LONP2: variants seen among roughly 807,000 people sequenced by gnomAD.
LONP2 encodes lon protease homolog 2, peroxisomal.
Under a neutral mutation model 85.6 loss-of-function variants are expected in LONP2, and 60 were observed. That is an observed-to-expected ratio of 0.70 (90% confidence interval 0.57 to 0.87). LONP2 has a LOEUF of 0.87. Among genes scored for constraint, LONP2 ranks in the 40% least tolerant of loss-of-function variants. LONP2 has a pLI of 0.00. For synonymous variants in LONP2, 395 were observed against 389.7 expected, an observed-to-expected ratio of 1.01 and a Z score of -0.16; for missense variants, 860 against 1,063.5, an observed-to-expected ratio of 0.81 and a Z score of 2.66.
chr16:48,348,202 C>G lies in LONP2; in HGVS notation c.2249C>G (p.Thr750Ser). 1.2e-6 allele frequency: 2 copies of G among 1,612,834 alleles called. No homozygotes were observed. Among genetic ancestry groups the G allele is most frequent in the East Asian group, 4.5e-5 (2 of 44,822 alleles). The change falls in exon 14 of 15, where the codon ACC becomes AGC. Residue 750 changes from threonine to serine, a missense_variant. Transcript: ENST00000285737. ...CCATCTGCTGGAGTTACCATAGTAA[C>G]CTGTCTCGCCTCACTTTTTAGTGGG... ...DGPSAGVTIVTCLASLFSGRL... is the reference protein window; with the variant it reads ...DGPSAGVTIVSCLASLFSGRL...
chr16:48,265,500 T>C (rs1216186670), intron 6 of LONP2, among the ~76,000 whole-genome samples: 1 of 152,018 alleles, frequency 6.6e-6, no homozygotes, highest in Admixed American at 6.6e-5. Flanking sequence ...ATATTCTTGG[T>C]GCCCTTGTTG....
chr16:48,286,082 A>C (rs1213468707), intron 8 of LONP2, among the ~76,000 whole-genome samples: 1 of 152,014 alleles, frequency 6.6e-6, no homozygotes. Context: ...AGTTTCCTCA[A>C]AGTTCATCAA....
At chr16:48,357,728 A>G (rs772272902), downstream of LONP2, among the ~76,000 whole-genome samples, 6 of 152,234 alleles carry the variant, frequency 3.9e-5, no homozygotes, top group Non-Finnish European at 7.3e-5. Flanking sequence ...TCTAAATATG[A>G]AGAGCTTTTG....
At chr16:48,318,966 T>C (rs547930453) in intron 11 of LONP2, among the ~76,000 whole-genome samples, 1 of 152,058 alleles carries the variant, frequency 6.6e-6, no homozygotes, top group Non-Finnish European at 1.5e-5. Flanking sequence ...CAAGTGCTTT[T>C]GATCCTTTCA....
intron 11 of LONP2, among the ~76,000 whole-genome samples, chr16:48,316,901 A>G (rs1005793234): frequency 6.6e-6 from 1 of 152,102 alleles, no homozygotes; most frequent in Admixed American, 6.6e-5. Flanking sequence ...TGAAAAATAC[A>G]AGGGCTGTAA....
At chr16:48,263,803 C>T (rs1294427032) in intron 6 of LONP2, among the ~76,000 whole-genome samples, 3 of 152,152 alleles carry the variant, frequency 2.0e-5, no homozygotes, top group African/African-American at 7.2e-5. Context: ...TGGCTGTTAT[C>T]GGGGGACCTG....
rs774934578 is a variant in LONP2, at chr16:48,256,684, A to G, written c.543A>G (p.Glu181=). The part of the protein sequence containing the change: ...LRRLLDSLPR[E]ALPDILTSII... ...GTCTTTTAGATAGTCTTCCAAGGGA[A>G]GCTTTACCAGACATCTTGACATCAA... The change falls in exon 3 of 15, where the codon GAA becomes GAG. Residue 181 remains glutamate, a synonymous_variant. Coordinates refer to ENST00000285737, the MANE Select transcript of LONP2 (RefSeq NM_031490.5). 1.2e-6 allele frequency: 2 copies of G among 1,613,958 alleles called. No homozygotes were observed. Among genetic ancestry groups the G allele is most frequent in the South Asian group, 2.2e-5 (2 of 91,084 alleles).
intron 12 of LONP2, among the ~76,000 whole-genome samples, chr16:48,346,489 C>T (rs1597003435): frequency 6.6e-6 from 1 of 152,200 alleles, no homozygotes; most frequent in Non-Finnish European, 1.5e-5. Context: ...GGACCTCTCT[C>T]ATCCCATGGG....
chr16:48,253,791 A>G (rs991471227), intron 2 of LONP2, among the ~76,000 whole-genome samples: 6 of 152,194 alleles, frequency 3.9e-5, no homozygotes, highest in Admixed American at 3.9e-4. Context: ...AAATAAATAG[A>G]TCACCACACA....
intron 1 of LONP2, among the ~76,000 whole-genome samples, chr16:48,245,042 C>G (rs964853488): frequency 1.2e-4 from 18 of 152,270 alleles, no homozygotes; most frequent in African/African-American, 3.9e-4. Context: ...TATCCGCCTC[C>G]CCTTTTCTGT....
chr16:48,302,003 G>C (rs1338753052), intron 10 of LONP2, among the ~76,000 whole-genome samples: 23 of 152,188 alleles, frequency 1.5e-4, no homozygotes. Flanking sequence ...ATTGAACACA[G>C]TGTTTCAGAT....
In LONP2 at chr16:48,274,336, C is replaced by T. The variant is rs1457180885; in HGVS notation, c.1242-3002C>T. Reference sequence around the variant, plus strand: ...AAGCTTTCTCAGGCAGGGGATTTATCGTCTATCTCCTTTATGTACCCCATG... The same window carrying T: ...AAGCTTTCTCAGGCAGGGGATTTATTGTCTATCTCCTTTATGTACCCCATG... On this transcript the variant is annotated intron_variant, in intron 7 of 14. Coordinates refer to ENST00000285737, the MANE Select transcript of LONP2 (RefSeq NM_031490.5). Among the ~76,000 whole-genome samples the T allele has an allele frequency of 3.9e-5, 6 of 152,042 alleles. 1 individual carries two copies. The highest frequency in any genetic ancestry group is 9.6e-5 in the African/African-American group (4 of 41,470).
chr16:48,269,803 T>TCC (rs1972064482), intron 6 of LONP2, among the ~76,000 whole-genome samples: 1 of 152,174 alleles, frequency 6.6e-6, no homozygotes, highest in Non-Finnish European at 1.5e-5. Context: ...AGTTTTTAAT[T>TCC]GTGTAGTGCC....
intron 6 of LONP2, among the ~76,000 whole-genome samples, chr16:48,267,182 A>G (rs934924663): frequency 2.0e-5 from 3 of 152,140 alleles, no homozygotes; most frequent in African/African-American, 7.2e-5. Context: ...ACATAGCACA[A>G]AGAACTGAAG....
chr16:48,274,136 AG>A (rs1211675804), intron 7 of LONP2, among the ~76,000 whole-genome samples: 1 of 152,110 alleles, frequency 6.6e-6, no homozygotes. Context: ...TCCAAAACTT[AG>A]GTTTATTTTA....
intron 12 of LONP2, 100 bp downstream of exon 12, chr16:48,334,458 G>T (rs1959576477): frequency 1.4e-6 from 2 of 1,407,902 alleles, no homozygotes; most frequent in East Asian, 2.3e-5. Context: ...TGCCCTTTGG[G>T]GAAGGAATAG....
At chr16:48,250,016 AC>A (rs1293840047) in intron 1 of LONP2, among the ~76,000 whole-genome samples, 2 of 151,912 alleles carry the variant, frequency 1.3e-5, no homozygotes, top group South Asian at 2.1e-4. Context: ...ACATAGTGAA[AC>A]CCTGTCTCTA....
intron 9 of LONP2, among the ~76,000 whole-genome samples, chr16:48,297,515 G>A (rs1020246937): frequency 2.0e-4 from 30 of 152,180 alleles, no homozygotes; most frequent in African/African-American, 6.5e-4. Flanking sequence ...TCGCCATATT[G>A]GCCAGGCTGG....
In LONP2 at chr16:48,299,671, A is replaced by G; in HGVS notation, c.1544A>G (p.Gln515Arg). The G allele has an allele frequency of 6.2e-7, 1 of 1,613,142 alleles. No individual in the cohort carries two copies. ...ATCTCTTCTTTTCCAGGTTATACAC[A>G]GGAGGAGAAGATAGAGATTGCCCAT... ...MEIIQVPGYTQEEKIEIAHRH... is the reference protein window; with the variant it reads ...MEIIQVPGYTREEKIEIAHRH... The change falls in exon 10 of 15, where the codon CAG becomes CGG. Residue 515 changes from glutamine (Q) to arginine (R), a missense_variant. By Grantham distance (43) the Gln-to-Arg change is conservative (BLOSUM62 1). Around this residue, in one of 3 missense-constraint regions of LONP2, gnomAD observed 743 missense variants for 917.3 expected, o/e 0.81. Transcript: ENST00000285737.
Sources: gnomAD v4.1 joint callset for allele counts (sites outside exome capture counted in the v4.1 genomes callset) on GRCh38, gnomAD v4.1.1 for gene constraint, gnomAD v4.1.1 regional missense constraint, MANE v1.5 for transcripts, NCBI Gene and HGNC (gene_info 2026-07-23, HGNC 2026-07-21) for gene names.